ADAMTS3: variants seen among roughly 807,000 people sequenced by gnomAD.
ADAMTS3 encodes ADAM metallopeptidase with thrombospondin type 1 motif 3.
In ADAMTS3, 73 loss-of-function variants were observed where a neutral mutation model predicts 129.0. The observed-to-expected ratio is 0.57, with a 90% CI of 0.47 to 0.69. The LOEUF (loss-of-function observed/expected upper bound fraction) is 0.69. Ranked by LOEUF, ADAMTS3 falls within the 30% of genes least tolerant of loss-of-function variation. The probability of loss-of-function intolerance (pLI) is 0.00; values close to 1 mark genes in which losing one functional copy is unlikely to be tolerated. For missense variants in ADAMTS3, 1,457 were observed against 1,514.5 expected (o/e 0.96, Z 0.63); for synonymous variants, 477 against 510.8 (o/e 0.93, Z 0.89).
intron 3 of ADAMTS3, among the ~76,000 whole-genome samples, chr4:72,425,490 T>C (rs990819050): frequency 5.3e-5 from 8 of 152,050 alleles, no homozygotes; most frequent in African/African-American, 1.9e-4. Context: ...CCCCTTCCCC[T>C]TACCCCACAA....
chr4:72,454,796 T>C (rs575875814), intron 3 of ADAMTS3, among the ~76,000 whole-genome samples: 2 of 151,790 alleles, frequency 1.3e-5, no homozygotes, highest in Middle Eastern at 3.4e-3. Context: ...TTGAAGCCTA[T>C]GAAGCCAGAA....
intron 4 of ADAMTS3, among the ~76,000 whole-genome samples, chr4:72,403,729 A>T (rs918913435): frequency 1.5e-4 from 23 of 151,578 alleles, no homozygotes; most frequent in East Asian, 5.8e-4. Context: ...AGATAAAAAA[A>T]TTTTTTAAAA....
intron 4 of ADAMTS3, among the ~76,000 whole-genome samples, chr4:72,352,796 C>A (rs1337341252): frequency 6.6e-6 from 1 of 151,842 alleles, no homozygotes. Context: ...AGACAATGGG[C>A]ATAATGCACG....
chr4:72,446,759 G>A (rs1718263143), intron 3 of ADAMTS3, among the ~76,000 whole-genome samples: 1 of 151,606 alleles, frequency 6.6e-6, no homozygotes. Context: ...TCACATACAA[G>A]CAGAATCATC....
rs1720616499 is a variant in ADAMTS3, at chr4:72,357,743, ATCTG to A, written c.662-18054_662-18051del. On this transcript the variant is annotated intron_variant, in intron 4 of 21. Coordinates refer to ENST00000286657, the MANE Select transcript of ADAMTS3 (RefSeq NM_014243.3). The stretch of plus-strand genomic sequence containing the variant: ...TTAACTCAATATGCATGATGGTTAC[ATCTG>A]TAAATTTTCAATGAGTGAAAAGTTT... Among the ~76,000 whole-genome samples the A allele has an allele frequency of 3.3e-5, 5 of 152,072 alleles. No homozygotes were observed. The South Asian group carries it at 1.0e-3, about 32-fold the overall frequency.
chr4:72,374,912 T>TAAGGA (rs1337556529), intron 4 of ADAMTS3, among the ~76,000 whole-genome samples: 2 of 152,226 alleles, frequency 1.3e-5, no homozygotes, highest in East Asian at 3.8e-4. Flanking sequence ...TAGGTATTTC[T>TAAGGA]AAGACATTCC....
intron 4 of ADAMTS3, among the ~76,000 whole-genome samples, chr4:72,392,345 T>A (rs1721616812): frequency 6.6e-6 from 1 of 152,178 alleles, no homozygotes; most frequent in Admixed American, 6.5e-5. Flanking sequence ...AGCCTTTATA[T>A]TTCTATATCT....
chr4:72,528,457 A>G (rs973050840), intron 3 of ADAMTS3, among the ~76,000 whole-genome samples: 1 of 151,842 alleles, frequency 6.6e-6, no homozygotes, highest in Non-Finnish European at 1.5e-5. Context: ...GTATACACAT[A>G]AGAAAATATC....
intron 4 of ADAMTS3, among the ~76,000 whole-genome samples, chr4:72,390,527 AT>A (rs1286149493): frequency 6.6e-6 from 1 of 152,166 alleles, no homozygotes; most frequent in Non-Finnish European, 1.5e-5. Flanking sequence ...AACTTTACTC[AT>A]TTTGACACTT....
chr4:72,430,119 C>T (rs1274531237), intron 3 of ADAMTS3, among the ~76,000 whole-genome samples: 1 of 151,974 alleles, frequency 6.6e-6, no homozygotes, highest in African/African-American at 2.4e-5. Flanking sequence ...CCAAAGATGG[C>T]CATATTACAA....
chr4:72,549,497 T>C (rs1281908744), intron 2 of ADAMTS3, among the ~76,000 whole-genome samples: 2 of 152,122 alleles, frequency 1.3e-5, no homozygotes, highest in Non-Finnish European at 2.9e-5. Flanking sequence ...GTCAAACAAC[T>C]GCAAAGCCTG....
intron 4 of ADAMTS3, among the ~76,000 whole-genome samples, chr4:72,378,887 T>G (rs1721205059): frequency 1.3e-5 from 2 of 152,134 alleles, no homozygotes; most frequent in South Asian, 2.1e-4. Flanking sequence ...AAACTTTTTC[T>G]CTTTCAGATT....
chr4:72,412,977 C>A (rs955150656), intron 4 of ADAMTS3, among the ~76,000 whole-genome samples: 40 of 151,962 alleles, frequency 2.6e-4, no homozygotes, highest in African/African-American at 9.7e-4. Flanking sequence ...TTCTGTAATT[C>A]CATCCAATTC....
intron 3 of ADAMTS3, among the ~76,000 whole-genome samples, chr4:72,536,426 C>T (rs1454074265): frequency 6.6e-6 from 1 of 152,138 alleles, no homozygotes; most frequent in African/African-American, 2.4e-5. Context: ...TGGGTTACTG[C>T]AGCGTATTTT....
intron 3 of ADAMTS3, among the ~76,000 whole-genome samples, chr4:72,516,942 T>A (rs1287134052): frequency 1.3e-5 from 2 of 152,180 alleles, no homozygotes; most frequent in African/African-American, 4.8e-5. Flanking sequence ...CTTCCAGTTT[T>A]TGCCCATTCA....
chr4:72,335,323 C>T (rs1030145033), intron 5 of ADAMTS3, among the ~76,000 whole-genome samples: 4 of 151,992 alleles, frequency 2.6e-5, no homozygotes, highest in African/African-American at 9.7e-5. Flanking sequence ...AGAATTTTAC[C>T]GCATTCATAC....
intron 3 of ADAMTS3, among the ~76,000 whole-genome samples, chr4:72,432,156 A>C (rs192677835): frequency 1.3e-5 from 2 of 151,866 alleles, no homozygotes; most frequent in Non-Finnish European, 2.9e-5. Context: ...GGAGAACTGT[A>C]ATTCCAGTTT....
chr4:72,462,505 G>A (rs1039042012), intron 3 of ADAMTS3, among the ~76,000 whole-genome samples: 1 of 151,898 alleles, frequency 6.6e-6, no homozygotes, highest in African/African-American at 2.4e-5. Context: ...ACCACAAAAT[G>A]ACATTTCAGT....
chr4:72,551,355 T>C (rs1409405532), intron 2 of ADAMTS3, among the ~76,000 whole-genome samples: 2 of 152,176 alleles, frequency 1.3e-5, no homozygotes, highest in Non-Finnish European at 2.9e-5. Flanking sequence ...CCTAGATGTA[T>C]GTTCCATTTT....
Sources: allele counts gnomAD v4.1 joint callset (sites outside exome capture counted in the v4.1 genomes callset), GRCh38; gene constraint gnomAD v4.1.1; transcripts MANE v1.5; gene names NCBI Gene and HGNC (gene_info 2026-07-23, HGNC 2026-07-21).